PEMT: variants seen among roughly 807,000 people sequenced by gnomAD.
The protein encoded by PEMT is phosphatidylethanolamine N-methyltransferase, also known as phospholipid methyltransferase.
A neutral mutation model predicts 27.4 loss-of-function variants in PEMT; 23 were observed. That is an observed-to-expected ratio of 0.84 (90% CI 0.60 to 1.19). The LOEUF is 1.19. Among genes scored for constraint, PEMT ranks in the 50% most tolerant of loss-of-function variants. PEMT has a pLI of 0.00. For missense variants in PEMT, 307 were observed against 310.1 expected (o/e 0.99, Z 0.07); for synonymous variants, 137 against 139.1 (o/e 0.98, Z 0.11).
At chr17:17,524,964 C>T (rs11869142) in intron 2 of PEMT, among the ~76,000 whole-genome samples, 50,852 of 151,934 alleles carry the variant, frequency 0.33, 10,107 homozygotes, top group Non-Finnish European at 0.46. Flanking sequence ...AAAAATTAGC[C>T]GGGAGTGGTG....
chr17:17,530,299 C>A (rs1226656798), intron 2 of PEMT, among the ~76,000 whole-genome samples: 1 of 152,198 alleles, frequency 6.6e-6, no homozygotes, highest in Non-Finnish European at 1.5e-5. Flanking sequence ...AGTTCAAGAC[C>A]AGCTTGACCA....
intron 2 of PEMT, among the ~76,000 whole-genome samples, chr17:17,533,115 G>T (rs1229934505): frequency 2.0e-5 from 3 of 152,210 alleles, no homozygotes; most frequent in Admixed American, 6.5e-5. Flanking sequence ...TCAAGACAGT[G>T]TGGCACTGAC....
At chr17:17,579,061 C>T (rs1048898308) in intron 1 of PEMT, among the ~76,000 whole-genome samples, 4 of 152,266 alleles carry the variant, frequency 2.6e-5, no homozygotes, top group Non-Finnish European at 4.4e-5. Context: ...CTTCAAAGAG[C>T]GCTTTGATCT....
At chr17:17,525,967 C>G (rs1429897642) in intron 2 of PEMT, among the ~76,000 whole-genome samples, 1 of 151,346 alleles carries the variant, frequency 6.6e-6, no homozygotes, top group African/African-American at 2.4e-5. Context: ...GCACTCCAGC[C>G]TGGGTGACAG....
chr17:17,524,081 T>C (rs896504175), intron 2 of PEMT, among the ~76,000 whole-genome samples: 1 of 152,218 alleles, frequency 6.6e-6, no homozygotes, highest in Non-Finnish European at 1.5e-5. Context: ...TGTGCCACAG[T>C]GCGTAAATGC....
At chr17:17,574,098 G>A (rs763514340) in intron 2 of PEMT, among the ~76,000 whole-genome samples, 27 of 151,874 alleles carry the variant, frequency 1.8e-4, no homozygotes, top group Non-Finnish European at 3.4e-4. Context: ...TACTCTCCCC[G>A]GCAGCAGCCC....
chr17:17,586,082 C>CAA (rs534827668), intron 1 of PEMT, among the ~76,000 whole-genome samples: 2 of 36,020 alleles, frequency 5.6e-5, no homozygotes, highest in African/African-American at 1.1e-4. Flanking sequence ...GACTCCGTCT[C>CAA]AAAAAAAAAA....
intron 2 of PEMT, among the ~76,000 whole-genome samples, chr17:17,556,560 GA>G (rs1329949760): frequency 6.6e-6 from 1 of 151,966 alleles, no homozygotes; most frequent in Non-Finnish European, 1.5e-5. Context: ...TTTTAGTAGA[GA>G]GGGGGTTTCA....
At chr17:17,535,866 C>T (rs1051825039) in intron 2 of PEMT, among the ~76,000 whole-genome samples, 1 of 152,198 alleles carries the variant, frequency 6.6e-6, no homozygotes, top group African/African-American at 2.4e-5. Context: ...AAGGCAAATC[C>T]AGGCTTCACT....
chr17:17,592,021 G>A (rs1912616725), upstream of PEMT: 3 of 985,386 alleles, frequency 3.0e-6, no homozygotes, highest in African/African-American at 5.2e-5. Context: ...GGGGCCGCGG[G>A]TCGTAGCTAT....
chr17:17,545,229 GCAGGT>G (rs1909173782), intron 2 of PEMT, among the ~76,000 whole-genome samples: 1 of 152,190 alleles, frequency 6.6e-6, no homozygotes, highest in Non-Finnish European at 1.5e-5. Flanking sequence ...ACCCGCCCAT[GCAGGT>G]CACCTGTATA....
At chr17:17,591,793 T>C, upstream of PEMT, 1 of 1,424,006 alleles carries the variant, frequency 7.0e-7, no homozygotes, top group South Asian at 1.5e-5. Flanking sequence ...GCGAAGTGCC[T>C]CTTTATCTGG....
At chr17:17,556,854 C>T (rs953983439) in intron 2 of PEMT, among the ~76,000 whole-genome samples, 19 of 152,136 alleles carry the variant, frequency 1.2e-4, no homozygotes, top group African/African-American at 4.3e-4. Flanking sequence ...AAATCAAATG[C>T]GTCTGCAGAT....
At chr17:17,577,801 A>G (rs1210273210) in intron 1 of PEMT, among the ~76,000 whole-genome samples, 1 of 152,028 alleles carries the variant, frequency 6.6e-6, no homozygotes, top group Non-Finnish European at 1.5e-5. Context: ...GCGGATCACG[A>G]GGTCAGGAGA....
intron 1 of PEMT, among the ~76,000 whole-genome samples, chr17:17,587,764 T>C (rs1912390529): frequency 6.6e-6 from 1 of 152,100 alleles, no homozygotes; most frequent in South Asian, 2.1e-4. Flanking sequence ...TAATCCCAGC[T>C]ACTCGGGAGC....
chr17:17,521,478 G>A (rs1157122590), intron 3 of PEMT, among the ~76,000 whole-genome samples: 3 of 152,100 alleles, frequency 2.0e-5, no homozygotes. Flanking sequence ...TCATCATCTA[G>A]TTCCAGTTCT....
intron 3 of PEMT, among the ~76,000 whole-genome samples, chr17:17,515,967 G>A (rs1202006107): frequency 2.0e-5 from 3 of 152,122 alleles, no homozygotes; most frequent in Non-Finnish European, 4.4e-5. Flanking sequence ...GGGCATCACT[G>A]CCCTCAGTGT....
Position 17,510,655 on chromosome 17 carries a change from G to A in PEMT, c.467-1110C>T, listed in dbSNP as rs70965406. On this transcript the variant is annotated intron_variant, in intron 4 of 6. Transcript: ENST00000255389. Reference sequence around the variant, plus strand: ...AAGTGACCACCTTTGCCTACATACCGCGCTGCTGGTCCTCGGTGTTTCTAG... The same window carrying A: ...AAGTGACCACCTTTGCCTACATACCACGCTGCTGGTCCTCGGTGTTTCTAG... 3.1e-3 allele frequency among the ~76,000 whole-genome samples: 477 copies of A among 152,312 alleles called. 2 individuals carry two copies. The highest frequency in any genetic ancestry group is 0.011 in the African/African-American group (461 of 41,562).
At chr17:17,585,927 A>T (rs189455160) in intron 1 of PEMT, among the ~76,000 whole-genome samples, 291 of 151,812 alleles carry the variant, frequency 1.9e-3, no homozygotes, top group African/African-American at 6.6e-3. Flanking sequence ...CTAAAAAATT[A>T]AAAAAATTAG....
Sources: allele counts gnomAD v4.1 joint callset (sites outside exome capture counted in the v4.1 genomes callset), GRCh38; gene constraint gnomAD v4.1.1; transcripts MANE v1.5; gene names NCBI Gene and HGNC (gene_info 2026-07-23, HGNC 2026-07-21).